Variants in DOC2B observed in about 807,000 individuals in gnomAD.
The protein encoded by DOC2B is double C2-like domain-containing protein beta.
In DOC2B, 21 loss-of-function variants were observed where a neutral mutation model predicts 28.9. The ratio of observed to expected loss-of-function variants is 0.73; its 90% CI spans 0.52 to 1.05. The LOEUF is 1.05. DOC2B is among the 50% of genes least tolerant of loss of function. The pLI is 0.00. For missense variants in DOC2B, 384 were observed against 421.1 expected (o/e 0.91, Z 0.77); for synonymous variants, 194 against 178.1 (o/e 1.09, Z -0.71).
rs574529631 is a variant in DOC2B at position 161,477 on chromosome 17, G to A, written c.703C>T (p.Leu235=). 1.3e-6 allele frequency: 2 copies of A among 1,551,732 alleles called. No homozygotes were observed. Among genetic ancestry groups the A allele is most frequent in the South Asian group, 2.4e-5 (2 of 84,066 alleles). ...NEFIGETRVP[L]KKLKPNHTKT... ...GTGTGGTTGGGTTTCAGCTTCTTCA[G>A]GGGCACACGTGTCTCCCCGATGAAC... Residue 235 remains leucine, a synonymous_variant, in exon 5 of 9, where the codon CTG becomes TTG. Coordinates refer to ENST00000613549, the MANE Select transcript of DOC2B (RefSeq NM_003585.5).
chr17:175,872 G>A lies in DOC2B; in HGVS notation c.374-3256C>T, dbSNP rs1304253630. Among the ~76,000 whole-genome samples, 3 of 152,226 alleles carry A rather than the reference G, an allele frequency of 2.0e-5. No homozygotes were observed. The East Asian group carries it at 5.8e-4, about 29-fold the overall frequency. ...GCGATCTTCTCCAACTGCCTGGGGG[G>A]AAAACTGACACCCGTCACCACCTCC... On this transcript the variant is annotated intron_variant, in intron 1 of 8. Transcript: ENST00000613549.
In DOC2B at chr17:157,352, G is replaced by A. The variant is rs1178238199; in HGVS notation, c.766-975C>T. ...TTCTGACCCTCAGGGTGGGTTGGCC[G>A]TCCCCTCTGCGCGCCCACTGCCTCG... is the stretch of plus-strand genomic sequence containing the variant. On this transcript the variant is annotated intron_variant, in intron 5 of 8. Coordinates refer to ENST00000613549, the MANE Select transcript of DOC2B (RefSeq NM_003585.5). Among the ~76,000 whole-genome samples, 5 of 152,188 alleles carry A rather than the reference G, an allele frequency of 3.3e-5. No individual in the cohort carries two copies. In the East Asian group the frequency reaches 7.7e-4, roughly 23 times the overall value.
intron 5 of DOC2B, among the ~76,000 whole-genome samples, chr17:160,659 G>C (rs2040190642): frequency 6.6e-6 from 1 of 152,194 alleles, no homozygotes; most frequent in Non-Finnish European, 1.5e-5. Flanking sequence ...CTTGACCCCA[G>C]TGGCACGGGG....
chr17:180,834 C>T (rs1237639490), intron 1 of DOC2B, among the ~76,000 whole-genome samples: 1 of 151,818 alleles, frequency 6.6e-6, no homozygotes, highest in Non-Finnish European at 1.5e-5. Flanking sequence ...GGCGCCGGCT[C>T]CGAGGAACCC....
intron 6 of DOC2B, 122 bp downstream of exon 6, chr17:156,098 C>T: frequency 8.8e-7 from 1 of 1,141,956 alleles, no homozygotes; most frequent in Non-Finnish European, 1.2e-6. Context: ...TCAGGGAACA[C>T]AGCGCCCCTG....
At chr17:171,938 G>A (rs1279776250) in intron 2 of DOC2B, among the ~76,000 whole-genome samples, 1 of 142,986 alleles carries the variant, frequency 7.0e-6, no homozygotes, top group African/African-American at 2.6e-5. Flanking sequence ...CCAGGGGCCG[G>A]GCCAGGCTGC....
chr17:159,041 TA>T (rs112706180), intron 5 of DOC2B, among the ~76,000 whole-genome samples: 2,632 of 139,690 alleles, frequency 0.019, 69 homozygotes, highest in African/African-American at 0.063. Flanking sequence ...CTCCATCTCA[TA>T]AAAAAAAAAA....
chr17:154,277 AGGGC>A (rs2040107061), intron 6 of DOC2B, among the ~76,000 whole-genome samples: 1 of 149,142 alleles, frequency 6.7e-6, no homozygotes, highest in East Asian at 2.0e-4. Flanking sequence ...ACTCCTTCTT[AGGGC>A]TGATATTCCA....
chr17:143,300 G>A lies in DOC2B; in HGVS notation c.*4141C>T, dbSNP rs1320988223. 2.7e-5 allele frequency: 4 copies of A among 150,070 alleles called. No individual in the cohort carries two copies. The allele number at this position is 150,070 out of a possible 1,614,324, so 9.3% of individuals were successfully genotyped here. On this transcript the variant is annotated 3_prime_UTR_variant, in exon 9 of 9. Coordinates refer to ENST00000613549, the MANE Select transcript of DOC2B (RefSeq NM_003585.5). ...GTAGGTTTCAGTTGCCTTTTCCTCC[G>A]TCTTTCCACCCTCCCCTCCTACCCT...
intron 5 of DOC2B, among the ~76,000 whole-genome samples, chr17:160,684 C>A (rs182473537): frequency 6.6e-6 from 1 of 152,272 alleles, no homozygotes; most frequent in Admixed American, 6.5e-5. Context: ...CCTGGCTTCA[C>A]CAGCCCTATG....
chr17:172,476 G>A (rs1597833173), intron 2 of DOC2B, 61 bp downstream of exon 2: 2 of 1,432,460 alleles, frequency 1.4e-6, no homozygotes, highest in Non-Finnish European at 1.9e-6. Context: ...TGGCCTCCCT[G>A]ACCTAGGCCC....
intron 1 of DOC2B, among the ~76,000 whole-genome samples, chr17:174,232 C>T (rs2040344274): frequency 6.6e-6 from 1 of 152,226 alleles, no homozygotes. Flanking sequence ...TGCCCTCTGA[C>T]ATCAGTCTCC....
chr17:178,910 G>A (rs963920336), intron 1 of DOC2B, among the ~76,000 whole-genome samples: 4 of 152,216 alleles, frequency 2.6e-5, no homozygotes, highest in South Asian at 2.1e-4. Flanking sequence ...CAGCCCAGAG[G>A]GGGGCACCGC....
chr17:164,334 G>A, intron 2 of DOC2B, 130 bp from the exon 3 acceptor site: 1 of 679,316 alleles, frequency 1.5e-6, no homozygotes, highest in Non-Finnish European at 2.6e-6. Flanking sequence ...AAGCCCCCGG[G>A]CCCCACACCT....
Position 181,517 on chromosome 17 carries a change from C to T in DOC2B, c.-38G>A. 1.0e-6 allele frequency: 1 copy of T among 986,126 alleles called. No homozygotes were observed. The highest frequency in any genetic ancestry group is 4.5e-5 in the South Asian group (1 of 21,998). The allele number at this position is 986,126 out of a possible 1,614,324, so 61.1% of individuals were successfully genotyped here. A position where few individuals can be genotyped will look rare whatever the true frequency, so the allele number is the denominator to read the frequency against. On this transcript the variant is annotated 5_prime_UTR_variant, in exon 1 of 9. Coordinates refer to ENST00000613549, the MANE Select transcript of DOC2B (RefSeq NM_003585.5). The surrounding 1 kb of genome is among the most constrained non-coding windows in gnomAD (Gnocchi z 7.0). ...GCCCCGCCCCGGGCGCGGCCCGGCC[C>T]GGCGCGACCCCGGCCCGGGGGCGGC...
chr17:158,123 C>T (rs2894723), intron 5 of DOC2B, among the ~76,000 whole-genome samples: 111,335 of 152,020 alleles, frequency 0.73, 41,625 homozygotes, highest in East Asian at 0.86. Context: ...CTGCCAGTGC[C>T]TGCCTCTCAA....
At chr17:150,632 A>T (rs2040062566) in intron 6 of DOC2B, among the ~76,000 whole-genome samples, 1 of 152,252 alleles carries the variant, frequency 6.6e-6, no homozygotes, top group Admixed American at 6.5e-5. Flanking sequence ...GGCATAAATA[A>T]TACTGGTTTA....
At chr17:156,177 G>A in intron 6 of DOC2B, 43 bp downstream of exon 6, 1 of 1,511,436 alleles carries the variant, frequency 6.6e-7, no homozygotes, top group Admixed American at 2.1e-5. Context: ...CCCGTCCTTG[G>A]AGGTGAAGAC....
chr17:151,533 A>G (rs540779688), intron 6 of DOC2B, among the ~76,000 whole-genome samples: 1 of 152,174 alleles, frequency 6.6e-6, no homozygotes, highest in Non-Finnish European at 1.5e-5. Flanking sequence ...GGGACGCTCA[A>G]CCTGTACCTC....
Sources: allele counts gnomAD v4.1 joint callset (sites outside exome capture counted in the v4.1 genomes callset), GRCh38; gene constraint gnomAD v4.1.1; non-coding constraint Gnocchi (gnomAD v3.1); transcripts MANE v1.5; gene names NCBI Gene and HGNC (gene_info 2026-07-23, HGNC 2026-07-21).